The following RNF6 variants were observed in gnomAD, a reference collection of about 807,000 sequenced individuals.
RNF6 encodes ring finger protein 6, also known as E3 ubiquitin-protein ligase RNF6.
RNF6 carries 21 observed loss-of-function variants against 50.1 expected under a neutral mutation model. The ratio of observed to expected loss-of-function variants is 0.42; its 90% CI spans 0.30 to 0.60. RNF6 has a LOEUF of 0.60. Ranked by LOEUF, RNF6 falls within the 20% of genes least tolerant of loss-of-function variation. The probability of loss-of-function intolerance (pLI) is 0.20; values close to 1 mark genes in which losing one functional copy is unlikely to be tolerated. For missense variants in RNF6, 698 were observed against 838.2 expected, an observed-to-expected ratio of 0.83 and a Z score of 2.07; for synonymous variants, 255 against 291.8, an observed-to-expected ratio of 0.87 and a Z score of 1.29.
At chr13:26,178,528 AC>A (rs1188086473) in intron 5 of RNF6, among the ~76,000 whole-genome samples, 1 of 148,880 alleles carries the variant, frequency 6.7e-6, no homozygotes, top group Non-Finnish European at 1.5e-5. Flanking sequence ...GGGGGAGGGC[AC>A]CCAAAAACAT....
chr13:26,136,163 T>A (rs1593138765), intron 5 of RNF6, among the ~76,000 whole-genome samples: 1 of 152,280 alleles, frequency 6.6e-6, no homozygotes, highest in East Asian at 1.9e-4. Context: ...CCAGGAGATG[T>A]TTGCAGTCTG....
intron 5 of RNF6, among the ~76,000 whole-genome samples, chr13:26,168,283 T>G (rs7988263): frequency 1.3e-5 from 2 of 152,044 alleles, no homozygotes; most frequent in African/African-American, 4.8e-5. Flanking sequence ...AGTGGACTGC[T>G]TGGTAATGGC....
intron 5 of RNF6, among the ~76,000 whole-genome samples, chr13:26,176,251 C>A (rs114756556): frequency 6.6e-6 from 1 of 152,180 alleles, no homozygotes; most frequent in Admixed American, 6.5e-5. Flanking sequence ...TCTAACTGTA[C>A]TTTTCCTTTT....
At chr13:26,218,925 G>A (rs546540663) in intron 3 of RNF6, among the ~76,000 whole-genome samples, 1 of 151,956 alleles carries the variant, frequency 6.6e-6, no homozygotes, top group East Asian at 1.9e-4. Flanking sequence ...AGAAATTAAG[G>A]GAGCATTTAT....
chr13:26,161,068 T>C (rs1236985275), intron 5 of RNF6, among the ~76,000 whole-genome samples: 1 of 151,988 alleles, frequency 6.6e-6, no homozygotes, highest in African/African-American at 2.4e-5. Flanking sequence ...CAGATGGCCA[T>C]AAAAAGAAAA....
chr13:26,179,591 T>G (rs1873136311), intron 5 of RNF6, among the ~76,000 whole-genome samples: 1 of 152,176 alleles, frequency 6.6e-6, no homozygotes, highest in Non-Finnish European at 1.5e-5. Context: ...CTCAGCACAT[T>G]CTATTCTTAT....
chr13:26,132,331 C>A, exon 6 of RNF6: 1 of 406,692 alleles, frequency 2.5e-6, no homozygotes, highest in Non-Finnish European at 4.9e-6. Context: ...ACATTTTACC[C>A]CTTAGGCTCC....
chr13:26,217,151 A>C (rs1869968127), intron 4 of RNF6, among the ~76,000 whole-genome samples: 1 of 152,186 alleles, frequency 6.6e-6, no homozygotes, highest in South Asian at 2.1e-4. Flanking sequence ...TGATGAGTAC[A>C]TTTTCCACTG....
chr13:26,152,837 G>A (rs1871691549), intron 5 of RNF6, among the ~76,000 whole-genome samples: 1 of 152,140 alleles, frequency 6.6e-6, no homozygotes, highest in Non-Finnish European at 1.5e-5. Flanking sequence ...AAGTTTGGAG[G>A]AAGATGGTTT....
intron 5 of RNF6, among the ~76,000 whole-genome samples, chr13:26,142,919 G>T (rs1871034942): frequency 6.6e-6 from 1 of 151,640 alleles, no homozygotes; most frequent in South Asian, 2.1e-4. Flanking sequence ...ACATGATAAG[G>T]GAATAAAAGA....
chr13:26,137,158 C>T (rs1277781682), intron 5 of RNF6, among the ~76,000 whole-genome samples: 2 of 152,078 alleles, frequency 1.3e-5, no homozygotes, highest in African/African-American at 4.8e-5. Context: ...TTTATTTAAC[C>T]TCACTAAAGC....
chr13:26,146,029 CTGGTAGACCACAGTGACATTT>C (rs1871221369), intron 5 of RNF6, among the ~76,000 whole-genome samples: 1 of 152,220 alleles, frequency 6.6e-6, no homozygotes, highest in East Asian at 1.9e-4. Flanking sequence ...CCTACTTTAA[CTGGTAGACCACAGTGACATTT>C]TGGGTCATCT....
At chr13:26,151,621 C>CTTTTTTTTTTTTTTTTTTTT (rs10682446) in intron 5 of RNF6, among the ~76,000 whole-genome samples, 1 of 139,558 alleles carries the variant, frequency 7.2e-6, no homozygotes, top group Admixed American at 7.2e-5. Flanking sequence ...TTCTTTTTTT[C>CTTTTTTTTTTTTTTTTTTTT]TTTTTTTTTT....
rs777775247 is a variant in RNF6, at chr13:26,214,413, C to T, written c.1469G>A (p.Gly490Glu). ...CATTAGAGAACTCAGTTCTCCAAAC[C>T]CAGTCATGATCTGCCTTAAAATTGA... ...LRSILRQIMT[G>E]FGELSSLMEA... Residue 490 changes from glycine to glutamate, a missense_variant, in exon 5 of 5, where the codon GGG (glycine) becomes GAG (glutamate). Physicochemically the swap from Gly to Glu is moderately conservative, Grantham distance 98. Coordinates refer to ENST00000381588, the MANE Select transcript of RNF6 (RefSeq NM_005977.4). 6.2e-7 allele frequency: 1 copy of T among 1,613,956 alleles called. No homozygotes were observed. Among genetic ancestry groups the T allele is most frequent in the Non-Finnish European group, 8.5e-7 (1 of 1,180,028 alleles).
intron 5 of RNF6, among the ~76,000 whole-genome samples, chr13:26,182,740 G>A (rs956420698): frequency 2.6e-5 from 4 of 152,184 alleles, no homozygotes; most frequent in African/African-American, 9.6e-5. Context: ...GGGAGATCAA[G>A]GCCACAATGA....
At chr13:26,201,993 AC>A (rs1348151475) in intron 5 of RNF6, among the ~76,000 whole-genome samples, 2 of 152,078 alleles carry the variant, frequency 1.3e-5, no homozygotes, top group African/African-American at 2.4e-5. Flanking sequence ...GTGGTTCTAG[AC>A]CCCAGGATAA....
intron 5 of RNF6, among the ~76,000 whole-genome samples, chr13:26,186,922 C>T (rs1006010424): frequency 6.6e-6 from 1 of 152,116 alleles, no homozygotes; most frequent in African/African-American, 2.4e-5. Flanking sequence ...GGACTACAGG[C>T]GCCCGCCACC....
intron 5 of RNF6, among the ~76,000 whole-genome samples, chr13:26,139,660 G>A (rs539009509): frequency 6.6e-6 from 1 of 152,176 alleles, no homozygotes; most frequent in African/African-American, 2.4e-5. Flanking sequence ...TTATAATATT[G>A]ACTCTTCCTG....
At position 26,219,496 on chromosome 13, in the gene RNF6, A is replaced by G; in HGVS notation, c.154T>C (p.Tyr52His). 1 of 1,613,892 alleles carries G rather than the reference A, an allele frequency of 6.2e-7. No individual in the cohort carries two copies. Among genetic ancestry groups the G allele is most frequent in the Non-Finnish European group, 8.5e-7 (1 of 1,179,880 alleles). The change falls in exon 3 of 5, where the codon TAT becomes CAT. Residue 52 changes from tyrosine (Y) to histidine (H), a missense_variant. Coordinates refer to ENST00000381588, the MANE Select transcript of RNF6 (RefSeq NM_005977.4). ...AGATTATGGTCTCTCATAAGCCGAT[A>G]ATCTTCATCATTGAGTTCATTAATA... Reference protein sequence around the residue: ...QFINELNDEDYRLMRDHNLLG... With the variant: ...QFINELNDEDHRLMRDHNLLG...
Sources: allele counts gnomAD v4.1 joint callset (sites outside exome capture counted in the v4.1 genomes callset), GRCh38; gene constraint gnomAD v4.1.1; transcripts MANE v1.5; gene names NCBI Gene and HGNC (gene_info 2026-07-23, HGNC 2026-07-21).